Variants in ACSS1 observed in about 807,000 individuals in gnomAD.
The protein encoded by ACSS1 is acyl-CoA synthetase short chain family member 1.
A neutral mutation model predicts 75.3 loss-of-function variants in ACSS1; 42 were observed. That is an observed-to-expected ratio of 0.56 (90% CI 0.44 to 0.72). The LOEUF is 0.72. Among genes scored for constraint, ACSS1 ranks in the 30% least tolerant of loss-of-function variants. The pLI is 0.00. For synonymous variants in ACSS1, 380 were observed against 376.8 expected, an observed-to-expected ratio of 1.01 and a Z score of -0.10; for missense variants, 782 against 935.7, an observed-to-expected ratio of 0.84 and a Z score of 2.14.
Position 25,030,910 on chromosome 20 carries a change from A to C in ACSS1, c.480T>G (p.His160Gln), listed in dbSNP as rs2088812670. 5.6e-6 allele frequency: 9 copies of C among 1,614,238 alleles called. No homozygotes were observed. Among genetic ancestry groups the C allele is most frequent in the Non-Finnish European group, 7.6e-6 (9 of 1,180,042 alleles). ...CAACACGGTCCCCACGGTGGACTCC[A>C]TGCCTCTTCAGCGTGTTGGCCAGGC... ...TCRLANTLKR[H>Q]GVHRGDRVAI... The change falls in exon 3 of 14, where the codon CAT (histidine) becomes CAG (glutamine). Residue 160 changes from histidine (H) to glutamine (Q), a missense_variant. By Grantham distance (24) the His-to-Gln change is conservative. Transcript: ENST00000323482.
At chr20:25,042,033 C>A (rs1015201285) in intron 2 of ACSS1, among the ~76,000 whole-genome samples, 2 of 151,914 alleles carry the variant, frequency 1.3e-5, no homozygotes, top group East Asian at 3.9e-4. Flanking sequence ...CCACAACCCA[C>A]CCGCTGGCCT....
intron 1 of ACSS1, among the ~76,000 whole-genome samples, chr20:25,049,582 C>T (rs1006929677): frequency 3.3e-5 from 5 of 152,210 alleles, no homozygotes; most frequent in African/African-American, 1.2e-4. Flanking sequence ...GCGGCAGGCT[C>T]ATGACACTTG....
chr20:25,020,935 G>A (rs1273146341), intron 6 of ACSS1, among the ~76,000 whole-genome samples: 8 of 152,260 alleles, frequency 5.3e-5, no homozygotes, highest in Admixed American at 5.2e-4. Flanking sequence ...TGTCTTCAAA[G>A]TGATCTCAAT....
chr20:25,018,582 C>T (rs1354661341), intron 7 of ACSS1, among the ~76,000 whole-genome samples: 3 of 152,164 alleles, frequency 2.0e-5, no homozygotes, highest in Admixed American at 6.5e-5. Context: ...CACAGGCTGC[C>T]CTACTTGCTG....
In ACSS1 at chr20:25,030,852, C is replaced by A. The variant is rs953395424; in HGVS notation, c.538G>T (p.Ala180Ser). Reference sequence around the variant, plus strand: ...ATCCTGGCACAGGCCAGCATTGCTGCCACAGCCAATGGGGACACGGGCATG... The same window carrying A: ...ATCCTGGCACAGGCCAGCATTGCTGACACAGCCAATGGGGACACGGGCATG... ...IYMPVSPLAV[A>S]AMLACARIGA... The change falls in exon 3 of 14, where the codon GCA becomes TCA. Residue 180 changes from alanine to serine, a missense_variant. Coordinates refer to ENST00000323482, the MANE Select transcript of ACSS1 (RefSeq NM_032501.4). 1.9e-6 allele frequency: 3 copies of A among 1,614,128 alleles called. No homozygotes were observed. Among genetic ancestry groups the A allele is most frequent in the Non-Finnish European group, 2.5e-6 (3 of 1,180,058 alleles).
rs116949402 is a variant in ACSS1 at position 25,052,019 on chromosome 20, A to G, written c.335-3838T>C. 1.5e-3 allele frequency among the ~76,000 whole-genome samples: 226 copies of G among 152,206 alleles called. 1 individual carries two copies. The East Asian group carries it at 0.039, about 26-fold the overall frequency. ...TCTGGCCACCATGGCTGGTGCTCAGACCACACAGGCACCTGAAGAAAGCTC... is the reference window on the plus strand; with the variant it reads ...TCTGGCCACCATGGCTGGTGCTCAGGCCACACAGGCACCTGAAGAAAGCTC... On this transcript the variant is annotated intron_variant, in intron 1 of 13. Transcript: ENST00000323482.
intron 2 of ACSS1, chr20:25,046,170 C>T (rs1471772727): frequency 6.6e-6 from 1 of 152,284 alleles, no homozygotes. Flanking sequence ...AAGCGATCCA[C>T]CCACCGTCCT....
At chr20:25,031,003 A>G (rs60849220) in intron 2 of ACSS1, 45 bp from the exon 3 acceptor site, 260,816 of 1,595,670 alleles carry the variant, frequency 0.16, 22,930 homozygotes, top group Middle Eastern at 0.23. Context: ...GAGGAGGGCC[A>G]AAATGCAGAG....
intron 6 of ACSS1, among the ~76,000 whole-genome samples, 195 bp from the exon 7 acceptor site, chr20:25,020,342 G>A (rs538072596): frequency 4.8e-5 from 7 of 145,036 alleles, no homozygotes; most frequent in South Asian, 2.3e-4. Context: ...CCCAATGGCC[G>A]CTCTCCTCCA....
chr20:25,006,799 C>T lies in ACSS1; in HGVS notation c.*963G>A. ...CTCATCATTGGACCTCAGTGGTTCT[C>T]ACCGCCCCAACCACAGAGTGAAGGT... On this transcript the variant is annotated 3_prime_UTR_variant, in exon 14 of 14. Coordinates refer to ENST00000323482, the MANE Select transcript of ACSS1 (RefSeq NM_032501.4). 1 of 1,530,686 alleles carries T rather than the reference C, an allele frequency of 6.5e-7. No individual in the cohort carries two copies. The highest frequency in any genetic ancestry group is 8.8e-7 in the Non-Finnish European group (1 of 1,142,748). 94.8% of individuals were successfully genotyped at this position (1,530,686 alleles called of 1,614,324 possible). A position where few individuals can be genotyped will look rare whatever the true frequency, so the allele number is the denominator to read the frequency against.
chr20:25,039,251 C>T (rs552614691), intron 2 of ACSS1, among the ~76,000 whole-genome samples: 18 of 152,310 alleles, frequency 1.2e-4, no homozygotes, highest in Admixed American at 2.6e-4. Context: ...CTGAAGGAGT[C>T]AGGGCAGGAT....
chr20:25,008,038 G>A lies in ACSS1; in HGVS notation c.1891-97C>T, dbSNP rs533544500. On this transcript the variant is annotated intron_variant, in intron 13 of 13. Coordinates refer to ENST00000323482, the MANE Select transcript of ACSS1 (RefSeq NM_032501.4). ...GATCAGAAGGGCTCTGCTCAGGGGG[G>A]ATGCCCTCCCGGGGATCCACAGTGG... 22 of 1,435,234 alleles carry A rather than the reference G, an allele frequency of 1.5e-5. No homozygotes were observed. The East Asian group carries it at 2.2e-4, about 15-fold the overall frequency. 88.9% of individuals were successfully genotyped at this position (1,435,234 alleles called of 1,614,324 possible).
At chr20:25,017,000 T>G (rs1263108658) in intron 7 of ACSS1, among the ~76,000 whole-genome samples, 1 of 151,504 alleles carries the variant, frequency 6.6e-6, no homozygotes, top group South Asian at 2.1e-4. Flanking sequence ...TTCTTTTTTT[T>G]TGAGAGAGAG....
intron 3 of ACSS1, among the ~76,000 whole-genome samples, chr20:25,025,619 G>A (rs1363056303): frequency 6.6e-6 from 1 of 152,146 alleles, no homozygotes; most frequent in Non-Finnish European, 1.5e-5. Context: ...CTCTGGGGGA[G>A]TATCCACCTC....
In ACSS1 at chr20:25,021,549, G is replaced by A. The variant is rs2088626227; in HGVS notation, c.961-13C>T. ...GGTCAAACACAAGCTGCAGAGACAG[G>A]AAAGGAGCATCAGGAGCTTGTCCCC... On this transcript the variant is annotated splice_polypyrimidine_tract_variant and intron_variant, in intron 5 of 13. Transcript: ENST00000323482. 1.2e-6 allele frequency: 2 copies of A among 1,612,396 alleles called. No homozygotes were observed. The highest frequency in any genetic ancestry group is 1.7e-4 in the Middle Eastern group (1 of 6,048).
chr20:25,011,683 A>T (rs2088412902), intron 12 of ACSS1: 1 of 152,312 alleles, frequency 6.6e-6, no homozygotes, highest in African/African-American at 2.4e-5. Context: ...TTTCCATGGC[A>T]ACTGAAAATG....
In ACSS1 at chr20:25,006,609, A is replaced by C; in HGVS notation, c.*1153T>G. On this transcript the variant is annotated 3_prime_UTR_variant, in exon 14 of 14. Coordinates refer to ENST00000323482, the MANE Select transcript of ACSS1 (RefSeq NM_032501.4). ...AAAGAGGACAAACTCTCCCTCCCCT[A>C]AGGGACCCGGCTCACTGGGCCTCCT... 1 of 504,604 alleles carries C rather than the reference A, an allele frequency of 2.0e-6. No homozygotes were observed. The highest frequency in any genetic ancestry group is 3.5e-6 in the Non-Finnish European group (1 of 283,332). The allele number at this position is 504,604 out of a possible 1,614,324, so 31.3% of individuals were successfully genotyped here.
chr20:25,044,873 T>C (rs574371652), intron 2 of ACSS1, among the ~76,000 whole-genome samples: 1 of 152,294 alleles, frequency 6.6e-6, no homozygotes, highest in South Asian at 2.1e-4. Context: ...GGTGGCAGAC[T>C]GCCCTGGGAG....
intron 8 of ACSS1, among the ~76,000 whole-genome samples, chr20:25,014,698 T>A (rs2088484581): frequency 6.6e-6 from 1 of 152,150 alleles, no homozygotes; most frequent in African/African-American, 2.4e-5. Flanking sequence ...CAGGAAAAAT[T>A]CCTTTTCCCA....
Sources: gnomAD v4.1 joint callset for allele counts (sites outside exome capture counted in the v4.1 genomes callset) on GRCh38, gnomAD v4.1.1 for gene constraint, MANE v1.5 for transcripts, NCBI Gene and HGNC (gene_info 2026-07-23, HGNC 2026-07-21) for gene names.